FAM98A: variants seen among roughly 807,000 people sequenced by gnomAD.
FAM98A encodes the protein protein FAM98A.
In FAM98A, 25 loss-of-function variants were observed where a neutral mutation model predicts 62.9. That is an observed-to-expected ratio of 0.40 (90% CI 0.29 to 0.56). The LOEUF (loss-of-function observed/expected upper bound fraction) is 0.56. FAM98A is among the 20% of genes least tolerant of loss of function. FAM98A has a pLI of 0.51. For missense variants in FAM98A, 653 were observed against 640.7 expected, an observed-to-expected ratio of 1.02 and a Z score of -0.21; for synonymous variants, 252 against 228.6, an observed-to-expected ratio of 1.10 and a Z score of -0.92.
rs1382308009 is a variant in FAM98A, at chr2:33,588,612, A to C, written c.338-93T>G. ...CAACTATATAGACCTATTGATATGTAACTGTTAAAGCTGCAAGAATGGATA... is the reference window on the plus strand; with the variant it reads ...CAACTATATAGACCTATTGATATGTCACTGTTAAAGCTGCAAGAATGGATA... On this transcript the variant is annotated intron_variant, in intron 3 of 7. Coordinates refer to ENST00000238823, the MANE Select transcript of FAM98A (RefSeq NM_015475.5). The C allele has an allele frequency of 3.3e-6, 3 of 897,544 alleles. No homozygotes were observed. The Admixed American group carries it at 8.9e-5, about 27-fold the overall frequency. 55.6% of individuals were successfully genotyped at this position (897,544 alleles called of 1,614,324 possible).
Position 33,586,559 on chromosome 2 carries a change from T to C in FAM98A, c.720+3A>G, listed in dbSNP as rs761864621. 1 of 1,557,540 alleles carries C rather than the reference T, an allele frequency of 6.4e-7. No homozygotes were observed. Among genetic ancestry groups the C allele is most frequent in the Non-Finnish European group, 8.9e-7 (1 of 1,128,578 alleles). ...CTGCTCTTTTAAATTATTTAATGTG[T>C]ACCTTAGCTCTGTCAGACCAGCCAA... On this transcript the variant is annotated splice_donor_region_variant and intron_variant, in intron 6 of 7. Transcript: ENST00000238823.
chr2:33,596,789 G>A (rs926041033), intron 1 of FAM98A, among the ~76,000 whole-genome samples: 24 of 151,756 alleles, frequency 1.6e-4, no homozygotes, highest in African/African-American at 5.6e-4. Context: ...CTACTCAGGA[G>A]GCTGAGGCAG....
intron 1 of FAM98A, among the ~76,000 whole-genome samples, chr2:33,598,747 G>A (rs538804636): frequency 4.6e-5 from 7 of 152,164 alleles, no homozygotes; most frequent in South Asian, 4.1e-4. Context: ...GGGGTAGGAG[G>A]AGGGGCTCAA....
rs145579700 is a variant in FAM98A, at chr2:33,590,584, G to A, written c.337+1496C>T. On this transcript the variant is annotated intron_variant, in intron 3 of 7. Coordinates refer to ENST00000238823, the MANE Select transcript of FAM98A (RefSeq NM_015475.5). ...AGAAGCAAAGATAAAGAGGGAAACA[G>A]TGTGTATATATGTATGTATGAAGAA... Among the ~76,000 whole-genome samples, 870 of 152,286 alleles carry A rather than the reference G, an allele frequency of 5.7e-3. 10 individuals are homozygous for A. The highest frequency in any genetic ancestry group is 0.02 in the African/African-American group (833 of 41,566).
At chr2:33,593,672 A>T (rs2151146242) in intron 2 of FAM98A, among the ~76,000 whole-genome samples, 1 of 152,302 alleles carries the variant, frequency 6.6e-6, no homozygotes, top group East Asian at 1.9e-4. Flanking sequence ...TCCATTTTCT[A>T]ATCTGTAATA....
At chr2:33,587,519 C>A in intron 4 of FAM98A, 199 bp from the exon 5 acceptor site, 2 of 560,956 alleles carry the variant, frequency 3.6e-6, no homozygotes, top group South Asian at 4.1e-5. Context: ...AGAAGTCCTT[C>A]ATTGCACCTA....
At position 33,585,302 on chromosome 2, in the gene FAM98A, T is replaced by C; in HGVS notation, c.1031A>G (p.Glu344Gly). The change falls in exon 8 of 8, where the codon GAA becomes GGA. Residue 344 changes from glutamate (E) to glycine (G), a missense_variant. Glu to Gly is a moderately conservative substitution (Grantham distance 98, BLOSUM62 -2). Transcript: ENST00000238823. Reference protein sequence around the residue: ...GGRGGGRGGYEHSSYGGRGGH... With the variant: ...GGRGGGRGGYGHSSYGGRGGH... ...TCCTCGTCCTCCGTATGAGGAATGTTCATAGCCACCTCTCCCTCCTCCTCG... is the reference window on the plus strand; with the variant it reads ...TCCTCGTCCTCCGTATGAGGAATGTCCATAGCCACCTCTCCCTCCTCCTCG... 1 of 1,614,044 alleles carries C rather than the reference T, an allele frequency of 6.2e-7. No individual in the cohort carries two copies. The highest frequency in any genetic ancestry group is 1.1e-5 in the South Asian group (1 of 91,058).
chr2:33,592,139 AG>A lies in FAM98A; in HGVS notation c.277del (p.Leu93Ter). On this transcript the variant is annotated frameshift_variant, in exon 3 of 8. Transcript: ENST00000238823. LOFTEE classifies it high-confidence loss of function. ...GCGCTTGGTCACATCCCCAGATGTC[AG>A]TGAAAGATACGGGCAGTTCATCTCC... is the stretch of plus-strand genomic sequence containing the variant. Reference protein sequence around the residue: ...LGEMNCPYLSLTSGDVTKRLL... With the variant: ...LGEMNCPYLSXTSGDVTKRLL... The A allele has an allele frequency of 6.2e-7, 1 of 1,613,730 alleles. No individual in the cohort carries two copies. Among genetic ancestry groups the A allele is most frequent in the Non-Finnish European group, 8.5e-7 (1 of 1,179,674 alleles).
Position 33,588,395 on chromosome 2 carries a change from T to C in FAM98A, c.462A>G (p.Gly154=). 1 of 1,613,840 alleles carries C rather than the reference T, an allele frequency of 6.2e-7. No homozygotes were observed. Among genetic ancestry groups the C allele is most frequent in the Non-Finnish European group, 8.5e-7 (1 of 1,179,808 alleles). Residue 154 remains glycine, a synonymous_variant, in exon 4 of 8, where the codon GGA becomes GGG. Coordinates refer to ENST00000238823, the MANE Select transcript of FAM98A (RefSeq NM_015475.5). The part of the protein sequence containing the change: ...QELKGICIAL[G]MSKPPANITM... ...TTATATTGGCTGGAGGTTTGGACAT[T>C]CCTAGAGCAATACATATGCCTTTCA...
chr2:33,594,280 C>T (rs990103326), intron 2 of FAM98A, among the ~76,000 whole-genome samples: 4 of 151,842 alleles, frequency 2.6e-5, no homozygotes, highest in Non-Finnish European at 5.9e-5. Flanking sequence ...TACCAGCATG[C>T]AAGCCATCAT....
At position 33,585,230 on chromosome 2, in the gene FAM98A, T is replaced by G; in HGVS notation, c.1103A>C (p.His368Pro). The G allele has an allele frequency of 6.2e-7, 1 of 1,613,990 alleles. No individual in the cohort carries two copies. Among genetic ancestry groups the G allele is most frequent in the South Asian group, 1.1e-5 (1 of 91,072 alleles). Residue 368 changes from histidine (H) to proline (P), a missense_variant, in exon 8 of 8, where the codon CAT (histidine) becomes CCT (proline). Coordinates refer to ENST00000238823, the MANE Select transcript of FAM98A (RefSeq NM_015475.5). ...TCCTCTTCCTCCCCCTCGGCCACCA[T>G]GGTCATAGCCACCACGTCCACCTCT... ...GGRGGRGGYD[H>P]GGRGGGRGNK...
chr2:33,594,733 G>A (rs1677764532), intron 2 of FAM98A, among the ~76,000 whole-genome samples: 1 of 149,532 alleles, frequency 6.7e-6, no homozygotes, highest in Non-Finnish European at 1.5e-5. Flanking sequence ...ACACTAGCAT[G>A]CAAGAAGGTG....
chr2:33,587,487 T>G, intron 4 of FAM98A, 167 bp from the exon 5 acceptor site: 1 of 612,758 alleles, frequency 1.6e-6, no homozygotes, highest in East Asian at 2.8e-5. Context: ...AGACACTCAC[T>G]GGTCCCACTC....
intron 6 of FAM98A, 122 bp downstream of exon 6, chr2:33,586,440 G>C: frequency 1.6e-6 from 1 of 606,470 alleles, no homozygotes; most frequent in Non-Finnish European, 2.9e-6. Context: ...AACTCACTAA[G>C]GAAAAATCCC....
intron 1 of FAM98A, among the ~76,000 whole-genome samples, chr2:33,598,858 G>C (rs911471900): frequency 6.6e-6 from 1 of 152,154 alleles, no homozygotes; most frequent in Admixed American, 6.5e-5. Context: ...GATGAAGCGA[G>C]GAGAGAAGCT....
At chr2:33,596,086 G>A (rs1667659357) in intron 1 of FAM98A, among the ~76,000 whole-genome samples, 1 of 152,092 alleles carries the variant, frequency 6.6e-6, no homozygotes. Flanking sequence ...TTTTTATTTT[G>A]AGATGAGGTC....
chr2:33,587,054 C>G (rs1166933279), intron 5 of FAM98A, among the ~76,000 whole-genome samples, 186 bp downstream of exon 5: 1 of 152,184 alleles, frequency 6.6e-6, no homozygotes, highest in East Asian at 1.9e-4. Flanking sequence ...AAAAGTGCTT[C>G]TAATCTTACA....
At chr2:33,594,574 TATACAC>T (rs1368047295) in intron 2 of FAM98A, among the ~76,000 whole-genome samples, 1 of 66,436 alleles carries the variant, frequency 1.5e-5, no homozygotes, top group Non-Finnish European at 2.8e-5. Context: ...TATATATATA[TATACAC>T]ACACACACAC....
At chr2:33,593,268 C>T (rs1053178630) in intron 2 of FAM98A, among the ~76,000 whole-genome samples, 1 of 152,056 alleles carries the variant, frequency 6.6e-6, no homozygotes, top group Non-Finnish European at 1.5e-5. Flanking sequence ...AGCCAGTTGT[C>T]GTGGCACATG....
Sources: gnomAD v4.1 joint callset for allele counts (sites outside exome capture counted in the v4.1 genomes callset) on GRCh38, gnomAD v4.1.1 for gene constraint, MANE v1.5 for transcripts, NCBI Gene and HGNC (gene_info 2026-07-23, HGNC 2026-07-21) for gene names.